ADGRL2: variants seen among roughly 807,000 people sequenced by gnomAD.
The protein encoded by ADGRL2 is adhesion G protein-coupled receptor L2, also known as calcium-independent alpha-latrotoxin receptor 2.
Under a neutral mutation model 157.4 loss-of-function variants are expected in ADGRL2, and 44 were observed. The observed-to-expected ratio is 0.28, with a 90% CI of 0.22 to 0.36. ADGRL2 has a LOEUF of 0.36. Ranked by LOEUF, ADGRL2 falls within the 10% of genes least tolerant of loss-of-function variation. ADGRL2 has a pLI of 1.00. For missense variants in ADGRL2, 1,510 were observed against 1,768.9 expected, an observed-to-expected ratio of 0.85 and a Z score of 2.63; for synonymous variants, 585 against 624.7, an observed-to-expected ratio of 0.94 and a Z score of 0.95.
intron 2 of ADGRL2, chr1:81,580,816 A>C (rs532116308): frequency 2.0e-5 from 3 of 152,212 alleles, no homozygotes; most frequent in Admixed American, 1.3e-4. Context: ...CCTTTTTCGA[A>C]ATTAAACTAA....
chr1:81,676,794 C>A (rs973262076), intron 3 of ADGRL2, among the ~76,000 whole-genome samples: 12 of 151,478 alleles, frequency 7.9e-5, no homozygotes, highest in African/African-American at 2.9e-4. Flanking sequence ...TCACGTCATT[C>A]TCCTGCCTCA....
chr1:81,490,852 T>G (rs1473565188), intron 2 of ADGRL2, among the ~76,000 whole-genome samples: 2 of 152,184 alleles, frequency 1.3e-5, no homozygotes, highest in African/African-American at 2.4e-5. Flanking sequence ...ACATAGCAAC[T>G]TTATTCATCA....
rs995774565 is a variant in ADGRL2, at chr1:81,528,824, T to C, written c.-247-52052T>C. 2.4e-4 allele frequency among the ~76,000 whole-genome samples: 37 copies of C among 152,184 alleles called. 1 individual carries two copies. The highest frequency in any genetic ancestry group is 7.7e-4 in the African/African-American group (32 of 41,444). On this transcript the variant is annotated intron_variant, in intron 2 of 24. Transcript: ENST00000370721. The stretch of plus-strand genomic sequence containing the variant: ...TGGCTGATGCAGAGGGAAAACCTTA[T>C]GGATAAAATAGAATTTTAACTCTAT...
intron 4 of ADGRL2, among the ~76,000 whole-genome samples, chr1:81,938,963 C>T (rs186335055): frequency 4.6e-5 from 7 of 151,432 alleles, no homozygotes; most frequent in Admixed American, 3.3e-4. Flanking sequence ...CATTTGCATA[C>T]CTCTTTTACA....
chr1:81,364,716 T>C (rs74819972), intron 1 of ADGRL2, among the ~76,000 whole-genome samples: 1 of 151,818 alleles, frequency 6.6e-6, no homozygotes, highest in Non-Finnish European at 1.5e-5. Context: ...TTTTTTTTTT[T>C]CGAGACAGAG....
chr1:81,724,619 T>C (rs187327596), intron 1 of ADGRL2, among the ~76,000 whole-genome samples: 59 of 152,328 alleles, frequency 3.9e-4, no homozygotes, highest in Non-Finnish European at 6.8e-4. Context: ...AGACTATGTA[T>C]AGACATCGTA....
intron 2 of ADGRL2, among the ~76,000 whole-genome samples, chr1:81,473,269 C>CTT (rs2078209041): frequency 6.6e-6 from 1 of 152,152 alleles, no homozygotes; most frequent in African/African-American, 2.4e-5. Context: ...TAAAAAGTAA[C>CTT]TGTTATCCCA....
intron 2 of ADGRL2, among the ~76,000 whole-genome samples, chr1:81,498,248 G>T (rs1484814472): frequency 6.6e-6 from 1 of 152,136 alleles, no homozygotes; most frequent in Non-Finnish European, 1.5e-5. Flanking sequence ...GGAATTCAAG[G>T]TAAGAAGTGA....
chr1:81,860,526 G>A (rs1629602), intron 2 of ADGRL2, among the ~76,000 whole-genome samples: 1 of 152,020 alleles, frequency 6.6e-6, no homozygotes, highest in Non-Finnish European at 1.5e-5. Flanking sequence ...ACTATCACTA[G>A]CAAATTTTAT....
chr1:81,493,427 T>C (rs11163317), intron 2 of ADGRL2, among the ~76,000 whole-genome samples: 22,261 of 152,278 alleles, frequency 0.15, 3,021 homozygotes, highest in African/African-American at 0.36. Context: ...TTCAGGCCCT[T>C]GAAATTTTAT....
chr1:81,985,429 A>T (rs1227524304), intron 21 of ADGRL2, 74 bp downstream of exon 21: 3 of 739,830 alleles, frequency 4.1e-6, no homozygotes, highest in African/African-American at 3.6e-5. Flanking sequence ...CAATAATGTA[A>T]TGTAAGAAAT....
chr1:81,657,274 T>A (rs1194640792), intron 3 of ADGRL2, among the ~76,000 whole-genome samples: 1 of 151,976 alleles, frequency 6.6e-6, no homozygotes, highest in Non-Finnish European at 1.5e-5. Context: ...ATAAAAGAGG[T>A]CTGAGGGAGT....
At position 81,583,664 on chromosome 1, in the gene ADGRL2, T is replaced by C. The variant is rs531842828; in HGVS notation, c.-143+2684T>C. On this transcript the variant is annotated intron_variant, in intron 3 of 24. Coordinates refer to the ADGRL2 transcript ENST00000370721. Reference sequence around the variant, plus strand: ...TTTTTATGATTTGATTTTTTACATATGTTGTGTCAGAATTTTAATTACAGT... The same window carrying C: ...TTTTTATGATTTGATTTTTTACATACGTTGTGTCAGAATTTTAATTACAGT... 2.4e-3 allele frequency among the ~76,000 whole-genome samples: 366 copies of C among 152,218 alleles called. 3 individuals carry two copies. Among genetic ancestry groups the C allele is most frequent in the Middle Eastern group, 6.8e-3 (2 of 294 alleles).
At chr1:81,313,016 T>G (rs1382363905) in intron 1 of ADGRL2, among the ~76,000 whole-genome samples, 1 of 152,126 alleles carries the variant, frequency 6.6e-6, no homozygotes, top group African/African-American at 2.4e-5. Context: ...TTTCTCAGCT[T>G]TATAGTAAAG....
chr1:81,993,730 G>A lies in ADGRL2; in HGVS notation c.*2585G>A, dbSNP rs539896093. Among the ~76,000 whole-genome samples the A allele has an allele frequency of 3.9e-5, 6 of 152,058 alleles. No individual in the cohort carries two copies. The highest frequency in any genetic ancestry group is 9.7e-5 in the African/African-American group (4 of 41,398). ...CTACTGACTGTTTTAATGCAGATGCGTTATTGTATTTATTAACCCAGTTTC... is the reference window on the plus strand; with the variant it reads ...CTACTGACTGTTTTAATGCAGATGCATTATTGTATTTATTAACCCAGTTTC... On this transcript the variant is annotated 3_prime_UTR_variant, in exon 24 of 24. Coordinates refer to ENST00000686636, the MANE Select transcript of ADGRL2 (RefSeq NM_001366006.2).
At chr1:81,935,663 T>A (rs2095300563) in intron 3 of ADGRL2, among the ~76,000 whole-genome samples, 2 of 152,000 alleles carry the variant, frequency 1.3e-5, no homozygotes, top group Admixed American at 1.3e-4. Context: ...AATGTTATAA[T>A]GTTCTTGTTC....
At chr1:81,578,281 G>A (rs953220361) in intron 2 of ADGRL2, among the ~76,000 whole-genome samples, 3 of 152,048 alleles carry the variant, frequency 2.0e-5, no homozygotes, top group South Asian at 2.1e-4. Flanking sequence ...CAGAGAGAAC[G>A]TACCAAATAT....
Position 81,319,005 on chromosome 1 carries a change from G to A in ADGRL2, c.-302+12496G>A, listed in dbSNP as rs147158261. Among the ~76,000 whole-genome samples the A allele has an allele frequency of 7.6e-3, 904 of 119,462 alleles. 15 individuals carry two copies. Among genetic ancestry groups the A allele is most frequent in the African/African-American group, 0.026 (793 of 30,880 alleles). The allele number at this position is 119,462 out of a possible 152,430, so 78.4% of individuals were successfully genotyped here. A position where few individuals can be genotyped will look rare whatever the true frequency, so the allele number is the denominator to read the frequency against. On this transcript the variant is annotated intron_variant, in intron 1 of 24. Coordinates refer to the ADGRL2 transcript ENST00000370721. Reference sequence around the variant, plus strand: ...TGCCCAGGCTGGAGTGCAATGGAGCGATCCCAGCTCACCGCAACCTCCACC... The same window carrying A: ...TGCCCAGGCTGGAGTGCAATGGAGCAATCCCAGCTCACCGCAACCTCCACC...
chr1:81,941,216 A>ACAAATTTTC (rs1647840703), intron 4 of ADGRL2, among the ~76,000 whole-genome samples: 1 of 151,078 alleles, frequency 6.6e-6, no homozygotes, highest in Non-Finnish European at 1.5e-5. Context: ...AGTTTGAGAT[A>ACAAATTTTC]TATAATATAG....
Sources: gnomAD v4.1 joint callset for allele counts (sites outside exome capture counted in the v4.1 genomes callset) on GRCh38, gnomAD v4.1.1 for gene constraint, MANE v1.5 for transcripts, NCBI Gene and HGNC (gene_info 2026-07-23, HGNC 2026-07-21) for gene names.